Variants in TRPM3 observed in about 807,000 individuals in gnomAD.
TRPM3 encodes transient receptor potential cation channel subfamily M member 3, also known as long transient receptor potential channel 3.
A neutral mutation model predicts 181.2 loss-of-function variants in TRPM3; 77 were observed. The observed-to-expected ratio is 0.42, with a 90% CI of 0.35 to 0.51. The LOEUF is 0.51. Ranked by LOEUF, TRPM3 falls within the 20% of genes least tolerant of loss-of-function variation. TRPM3 has a pLI of 0.01. For synonymous variants in TRPM3, 745 were observed against 796.4 expected (o/e 0.94, Z 1.09); for missense variants, 1,759 against 2,196.7 (o/e 0.80, Z 3.98).
intron 1 of TRPM3, among the ~76,000 whole-genome samples, chr9:71,370,453 G>A (rs924350615): frequency 3.3e-5 from 5 of 151,684 alleles, no homozygotes; most frequent in African/African-American, 1.2e-4. Context: ...TGCTGATATG[G>A]AGAAAGTTTT....
intron 1 of TRPM3, among the ~76,000 whole-genome samples, chr9:71,306,732 G>T (rs968056290): frequency 6.6e-6 from 1 of 152,094 alleles, no homozygotes; most frequent in Non-Finnish European, 1.5e-5. Context: ...AAATTAGCTG[G>T]GTGTGGTAAT....
intron 6 of TRPM3, among the ~76,000 whole-genome samples, chr9:70,823,024 A>T (rs2093307034): frequency 6.6e-6 from 1 of 151,954 alleles, no homozygotes; most frequent in Admixed American, 6.6e-5. Context: ...TGGCATCCTG[A>T]CCATCTGCCG....
intron 1 of TRPM3, among the ~76,000 whole-genome samples, chr9:71,425,509 T>G (rs182709870): frequency 6.6e-6 from 1 of 152,236 alleles, no homozygotes; most frequent in Admixed American, 6.5e-5. Context: ...CAAATTCAAT[T>G]GCACCCACCA....
At chr9:71,411,988 G>A (rs2131459777) in intron 1 of TRPM3, among the ~76,000 whole-genome samples, 1 of 152,230 alleles carries the variant, frequency 6.6e-6, no homozygotes, top group East Asian at 1.9e-4. Context: ...ATGAAAACAA[G>A]AAATGGGGAA....
chr9:71,424,592 A>G (rs2093830801), intron 1 of TRPM3, among the ~76,000 whole-genome samples: 1 of 152,086 alleles, frequency 6.6e-6, no homozygotes, highest in Non-Finnish European at 1.5e-5. Context: ...ATTCTGAATG[A>G]GTCCCTTTGC....
intron 9 of TRPM3, among the ~76,000 whole-genome samples, chr9:70,666,544 T>A (rs1564767441): frequency 6.6e-6 from 1 of 152,206 alleles, no homozygotes; most frequent in South Asian, 2.1e-4. Context: ...AAAATACATG[T>A]CTTCAGAATT....
intron 1 of TRPM3, among the ~76,000 whole-genome samples, chr9:71,048,686 T>G (rs1170514068): frequency 6.6e-6 from 1 of 152,174 alleles, no homozygotes; most frequent in Non-Finnish European, 1.5e-5. Context: ...ATGTGCTGGT[T>G]AGAGCTGGAG....
chr9:71,310,918 GA>G (rs948713982), intron 1 of TRPM3, among the ~76,000 whole-genome samples: 210 of 151,824 alleles, frequency 1.4e-3, no homozygotes, highest in African/African-American at 4.9e-3. Context: ...ACTAAGAGAT[GA>G]AAAAAATAGA....
intron 1 of TRPM3, among the ~76,000 whole-genome samples, chr9:71,095,461 C>T (rs188466816): frequency 1.3e-5 from 2 of 152,020 alleles, no homozygotes; most frequent in Admixed American, 1.3e-4. Flanking sequence ...ACTAAATTAC[C>T]TCTTAAAGAA....
chr9:70,673,292 A>G (rs1188840977), intron 9 of TRPM3, among the ~76,000 whole-genome samples: 1 of 151,872 alleles, frequency 6.6e-6, no homozygotes, highest in South Asian at 2.1e-4. Flanking sequence ...AATTTGCTTC[A>G]TAACATCAAA....
intron 1 of TRPM3, among the ~76,000 whole-genome samples, chr9:71,144,657 T>C (rs966859219): frequency 1.3e-5 from 2 of 152,294 alleles, no homozygotes; most frequent in South Asian, 2.1e-4. Context: ...TATATAATCC[T>C]TACTTGACAT....
At chr9:71,405,252 C>T (rs2093415367) in intron 1 of TRPM3, among the ~76,000 whole-genome samples, 1 of 152,144 alleles carries the variant, frequency 6.6e-6, no homozygotes, top group African/African-American at 2.4e-5. Context: ...TGCTTACTTA[C>T]TATATGCATG....
rs373984405 is a variant in TRPM3 at position 71,134,014 on chromosome 9, T to TGCGC, written c.184-269507_184-269504dup. 1.7e-3 allele frequency among the ~76,000 whole-genome samples: 242 copies of TGCGC among 140,020 alleles called. 2 individuals carry two copies. Among genetic ancestry groups the TGCGC allele is most frequent in the Non-Finnish European group, 1.9e-3 (120 of 63,008 alleles). The allele number at this position is 140,020 out of a possible 152,430, so 91.9% of individuals were successfully genotyped here. A position where few individuals can be genotyped will look rare whatever the true frequency, so the allele number is the denominator to read the frequency against. ...GTGTGTGTGTGTGTGTGTGTGTGTG[T>TGCGC]GCGCGTGCGCGCGCGCGCGTGTCTG... On this transcript the variant is annotated intron_variant, in intron 1 of 24. Coordinates refer to the TRPM3 transcript ENST00000357533.
In TRPM3 at chr9:70,616,039, T is replaced by A; in HGVS notation, c.2395A>T (p.Ser799Cys). The A allele has an allele frequency of 1.2e-6, 2 of 1,609,210 alleles. No homozygotes were observed. The highest frequency in any genetic ancestry group is 1.7e-6 in the Non-Finnish European group (2 of 1,178,156). ...TCGTCTTTGTTCTTGAACTCCAAGC[T>A]GAGAATTGAAGGAGGAAGTAGAATT... Reference protein sequence around the residue: ...LGILLPPSILSLEFKNKDDMP... With the variant: ...LGILLPPSILCLEFKNKDDMP... The change falls in exon 18 of 26, where the codon AGC becomes TGC. Residue 799 changes from serine to cysteine, a missense_variant. Physicochemically the swap from Ser to Cys is moderately radical, Grantham distance 112. Transcript: ENST00000677713.
chr9:71,299,932 A>G (rs1456259330), intron 1 of TRPM3, among the ~76,000 whole-genome samples: 1 of 152,176 alleles, frequency 6.6e-6, no homozygotes. Context: ...TGGCATATTT[A>G]TATAGGGGAC....
intron 3 of TRPM3, among the ~76,000 whole-genome samples, chr9:70,854,415 T>C (rs923944502): frequency 6.6e-6 from 1 of 152,206 alleles, no homozygotes; most frequent in African/African-American, 2.4e-5. Flanking sequence ...TGGATTAAAT[T>C]GTGGCACATA....
At chr9:70,908,914 T>C (rs1296124499) in intron 1 of TRPM3, among the ~76,000 whole-genome samples, 2 of 152,146 alleles carry the variant, frequency 1.3e-5, no homozygotes, top group Admixed American at 6.5e-5. Context: ...AATATTCACA[T>C]AGGAAAACAA....
At chr9:70,873,467 C>A (rs558998622) in intron 1 of TRPM3, among the ~76,000 whole-genome samples, 11 of 152,106 alleles carry the variant, frequency 7.2e-5, no homozygotes, top group African/African-American at 2.4e-4. Flanking sequence ...TTCTTCATTT[C>A]TGTACAAATC....
chr9:71,415,941 T>C (rs1242007771), intron 1 of TRPM3, among the ~76,000 whole-genome samples: 4 of 151,982 alleles, frequency 2.6e-5, no homozygotes, highest in Admixed American at 6.6e-5. Flanking sequence ...TAGAAAAATA[T>C]TGAATTTCTA....
Sources: gnomAD v4.1 joint callset for allele counts (sites outside exome capture counted in the v4.1 genomes callset) on GRCh38, gnomAD v4.1.1 for gene constraint, MANE v1.5 for transcripts, NCBI Gene and HGNC (gene_info 2026-07-23, HGNC 2026-07-21) for gene names.